NAMPT: variants seen among roughly 807,000 people sequenced by gnomAD.
NAMPT encodes NAmPRTase.
In NAMPT, 7 loss-of-function variants were observed where a neutral mutation model predicts 58.7. That is an observed-to-expected ratio of 0.12 (90% CI 0.07 to 0.22). NAMPT has a LOEUF of 0.22. Among genes scored for constraint, NAMPT ranks in the 10% least tolerant of loss-of-function variants. The pLI, the probability that NAMPT is intolerant of heterozygous loss-of-function variation, is 1.00. For missense variants in NAMPT, 271 were observed against 567.9 expected, an observed-to-expected ratio of 0.48 and a Z score of 5.31; for synonymous variants, 145 against 198.1, an observed-to-expected ratio of 0.73 and a Z score of 2.25.
chr7:106,262,553 T>C (rs1343138486), intron 7 of NAMPT, among the ~76,000 whole-genome samples: 3 of 152,140 alleles, frequency 2.0e-5, no homozygotes, highest in Non-Finnish European at 2.9e-5. Flanking sequence ...TATCATTTAA[T>C]AGAATAAGAA....
chr7:106,280,430 A>G (rs1175636211), intron 1 of NAMPT, among the ~76,000 whole-genome samples: 1 of 152,222 alleles, frequency 6.6e-6, no homozygotes, highest in Non-Finnish European at 1.5e-5. Flanking sequence ...TCTAAAGTTA[A>G]CACAGAAAGC....
Position 106,259,870 on chromosome 7 carries a change from G to T in NAMPT, c.1089+1718C>A, listed in dbSNP as rs551556531. On this transcript the variant is annotated intron_variant, in intron 8 of 10. Transcript: ENST00000222553. Reference sequence around the variant, plus strand: ...CAGATGCCATCTGCAATGATATTTCGAAACAATCTTTTTTTTTTTTTTTTT... The same window carrying T: ...CAGATGCCATCTGCAATGATATTTCTAAACAATCTTTTTTTTTTTTTTTTT... Among the ~76,000 whole-genome samples the T allele has an allele frequency of 2.8e-5, 4 of 142,034 alleles. No individual in the cohort carries two copies. In the East Asian group the frequency reaches 6.5e-4, roughly 23 times the overall value. 93.2% of individuals were successfully genotyped at this position (142,034 alleles called of 152,430 possible). A position where few individuals can be genotyped will look rare whatever the true frequency, so the allele number is the denominator to read the frequency against.
intron 6 of NAMPT, among the ~76,000 whole-genome samples, chr7:106,264,169 A>G (rs1224020828): frequency 6.6e-6 from 1 of 152,112 alleles, no homozygotes; most frequent in Non-Finnish European, 1.5e-5. Context: ...ACTACCTGTT[A>G]TATTTTCAAG....
upstream of NAMPT, chr7:106,285,063 C>T: frequency 7.4e-7 from 1 of 1,357,460 alleles, no homozygotes; most frequent in South Asian, 1.6e-5. Context: ...GGAGCCGTGA[C>T]GCGGCGCGGG....
At chr7:106,255,339 T>C (rs1447455380) in intron 8 of NAMPT, among the ~76,000 whole-genome samples, 1 of 152,036 alleles carries the variant, frequency 6.6e-6, no homozygotes, top group Non-Finnish European at 1.5e-5. Context: ...GGTAACCATT[T>C]ATTTCATGAG....
At chr7:106,281,827 C>A (rs1363611771) in intron 1 of NAMPT, among the ~76,000 whole-genome samples, 1 of 152,170 alleles carries the variant, frequency 6.6e-6, no homozygotes, top group Non-Finnish European at 1.5e-5. Context: ...CTTAAAACCT[C>A]TTGCATGGAG....
At chr7:106,258,760 A>G (rs1475457453) in intron 8 of NAMPT, among the ~76,000 whole-genome samples, 2 of 152,232 alleles carry the variant, frequency 1.3e-5, no homozygotes, top group Non-Finnish European at 2.9e-5. Context: ...AATAATGCTA[A>G]TGGTCACTTG....
intron 8 of NAMPT, 31 bp downstream of exon 8, chr7:106,261,557 C>T (rs751512011): frequency 6.9e-7 from 1 of 1,445,606 alleles, no homozygotes; most frequent in African/African-American, 1.4e-5. Context: ...TAAGAAATGC[C>T]TTATTGAAAC....
chr7:106,280,404 A>G (rs970363408), intron 1 of NAMPT, among the ~76,000 whole-genome samples: 3 of 152,222 alleles, frequency 2.0e-5, no homozygotes, highest in African/African-American at 4.8e-5. Flanking sequence ...AACGCTAACA[A>G]AAAGTTTCAT....
chr7:106,258,559 A>G (rs998735814), intron 8 of NAMPT, among the ~76,000 whole-genome samples: 1 of 152,238 alleles, frequency 6.6e-6, no homozygotes, highest in Non-Finnish European at 1.5e-5. Flanking sequence ...CAAAAATTTT[A>G]AGACAATACA....
chr7:106,254,621 C>T, intron 8 of NAMPT, 117 bp from the exon 9 acceptor site: 2 of 1,144,168 alleles, frequency 1.7e-6, no homozygotes, highest in Non-Finnish European at 2.5e-6. Flanking sequence ...ATAACACGGT[C>T]AATAAATAAT....
At chr7:106,251,301 G>A (rs1187960511) in intron 10 of NAMPT, 108 bp from the exon 11 acceptor site, 1 of 711,516 alleles carries the variant, frequency 1.4e-6, no homozygotes. Context: ...GATGCCAATG[G>A]TGTTCAAATT....
intron 2 of NAMPT, chr7:106,275,740 T>A (rs1792623944): frequency 6.6e-6 from 1 of 152,226 alleles, no homozygotes; most frequent in Non-Finnish European, 1.5e-5. Flanking sequence ...TAAACTCGTT[T>A]AAAGTATCTT....
At chr7:106,270,353 C>A in intron 4 of NAMPT, 2 of 322,752 alleles carry the variant, frequency 6.2e-6, no homozygotes. Context: ...AAGATATTAA[C>A]TAAATTTTAC....
chr7:106,260,489 T>C (rs1037868904), intron 8 of NAMPT, among the ~76,000 whole-genome samples: 1 of 152,262 alleles, frequency 6.6e-6, no homozygotes, highest in Non-Finnish European at 1.5e-5. Flanking sequence ...ACTTTCTCCC[T>C]AGCAGCAATA....
At chr7:106,279,784 A>G (rs1792724631) in intron 1 of NAMPT, among the ~76,000 whole-genome samples, 1 of 152,218 alleles carries the variant, frequency 6.6e-6, no homozygotes, top group Non-Finnish European at 1.5e-5. Flanking sequence ...TTTCAGATCA[A>G]GATAGATGCT....
intron 8 of NAMPT, among the ~76,000 whole-genome samples, 160 bp from the exon 9 acceptor site, chr7:106,254,664 C>T (rs1257283110): frequency 2.0e-5 from 3 of 152,096 alleles, no homozygotes; most frequent in African/African-American, 4.8e-5. Flanking sequence ...AAGACCCACC[C>T]ACCCCCAAAA....
chr7:106,267,866 A>AAAAAAAAAAAC (rs1554352442), intron 6 of NAMPT, among the ~76,000 whole-genome samples: 8 of 133,566 alleles, frequency 6.0e-5, no homozygotes, highest in Non-Finnish European at 1.3e-4. Context: ...AAAAAAAAAA[A>AAAAAAAAAAAC]AAAAAAAAAA....
intron 1 of NAMPT, among the ~76,000 whole-genome samples, chr7:106,279,426 TA>T (rs1792716777): frequency 9.6e-6 from 1 of 104,290 alleles, no homozygotes; most frequent in African/African-American, 2.6e-5. Flanking sequence ...GGTCTACTTA[TA>T]GGGGTATATG....
Sources: allele counts gnomAD v4.1 joint callset (sites outside exome capture counted in the v4.1 genomes callset), GRCh38; gene constraint gnomAD v4.1.1; transcripts MANE v1.5; gene names NCBI Gene and HGNC (gene_info 2026-07-23, HGNC 2026-07-21).